The following DYNC2I1 variants were observed in gnomAD, a reference collection of about 807,000 sequenced individuals.
DYNC2I1 encodes dynein 2 intermediate chain 1, also known as cytoplasmic dynein 2 intermediate chain 1.
Under a neutral mutation model 133.4 loss-of-function variants are expected in DYNC2I1, and 89 were observed. The ratio of observed to expected loss-of-function variants is 0.67; its 90% CI spans 0.56 to 0.80. The LOEUF is 0.80. DYNC2I1 is among the 30% of genes least tolerant of loss of function. The pLI, the probability that DYNC2I1 is intolerant of heterozygous loss-of-function variation, is 0.00. For missense variants in DYNC2I1, 1,291 were observed against 1,314.5 expected, an observed-to-expected ratio of 0.98 and a Z score of 0.28; for synonymous variants, 504 against 484.3, an observed-to-expected ratio of 1.04 and a Z score of -0.54.
chr7:158,909,983 C>A (rs1847231100), intron 11 of DYNC2I1, among the ~76,000 whole-genome samples: 2 of 152,010 alleles, frequency 1.3e-5, no homozygotes, highest in Non-Finnish European at 2.9e-5. Context: ...AGAGAGCAGA[C>A]CCGGTGGCCG....
At position 158,901,106 on chromosome 7, in the gene DYNC2I1, T is replaced by TA. The variant is rs545788402; in HGVS notation, c.1060-631dup. ...ATTTTCTGCTTTCTAGTATGCTTTG[T>TA]AATATCTTCTTGATTGTGCAGTGGC... On this transcript the variant is annotated intron_variant, in intron 8 of 24. Coordinates refer to ENST00000407559, the MANE Select transcript of DYNC2I1 (RefSeq NM_018051.5). Among the ~76,000 whole-genome samples, 17 of 152,266 alleles carry TA rather than the reference T, an allele frequency of 1.1e-4. No homozygotes were observed. In the East Asian group the frequency reaches 2.9e-3, roughly 26 times the overall value.
At chr7:158,926,130 A>T in intron 17 of DYNC2I1, 57 bp from the exon 18 acceptor site, 1 of 1,346,242 alleles carries the variant, frequency 7.4e-7, no homozygotes. Context: ...TGTGATGCGA[A>T]CTGCATTTCT....
intron 23 of DYNC2I1, among the ~76,000 whole-genome samples, chr7:158,935,766 A>G (rs1175809275): frequency 1.3e-5 from 2 of 152,214 alleles, no homozygotes; most frequent in African/African-American, 4.8e-5. Context: ...GAATAAAAGA[A>G]TGTAAAATGT....
downstream of DYNC2I1, among the ~76,000 whole-genome samples, chr7:158,951,095 C>T (rs1373212226): frequency 2.0e-5 from 3 of 152,202 alleles, no homozygotes; most frequent in East Asian, 5.8e-4. Flanking sequence ...ATTTAAAATC[C>T]CCTTTCAAAT....
At chr7:158,917,724 C>T (rs1468603309) in intron 14 of DYNC2I1, among the ~76,000 whole-genome samples, 2 of 152,030 alleles carry the variant, frequency 1.3e-5, no homozygotes, top group Non-Finnish European at 2.9e-5. Flanking sequence ...CACACTCCAC[C>T]CTCTGCCTCT....
chr7:158,884,475 C>A, intron 5 of DYNC2I1, 89 bp from the exon 6 acceptor site: 3 of 1,230,618 alleles, frequency 2.4e-6, no homozygotes, highest in East Asian at 2.7e-5. Context: ...AATTTTGAAT[C>A]TGTGCTTGTT....
At chr7:158,889,945 G>A (rs1777847557) in intron 7 of DYNC2I1, among the ~76,000 whole-genome samples, 1 of 147,514 alleles carries the variant, frequency 6.8e-6, no homozygotes, top group African/African-American at 2.5e-5. Flanking sequence ...GGTGGAGGTT[G>A]CAGTGAGCCG....
intron 20 of DYNC2I1, among the ~76,000 whole-genome samples, chr7:158,929,322 G>A (rs757716487): frequency 3.9e-5 from 6 of 152,380 alleles, no homozygotes; most frequent in Middle Eastern, 3.4e-3. Context: ...AGACCTGGGC[G>A]AAGACCCCAG....
downstream of DYNC2I1, among the ~76,000 whole-genome samples, chr7:158,948,147 C>T (rs891100400): frequency 1.3e-5 from 2 of 152,160 alleles, no homozygotes; most frequent in Admixed American, 6.5e-5. Flanking sequence ...ATGGAGTAAT[C>T]GCAGCCTCTA....
intron 23 of DYNC2I1, among the ~76,000 whole-genome samples, chr7:158,935,273 G>C (rs1249139040): frequency 2.0e-5 from 3 of 152,194 alleles, no homozygotes; most frequent in African/African-American, 7.2e-5. Flanking sequence ...TCCCCTCCAG[G>C]GCCTGGTGTC....
chr7:158,922,588 A>G (rs755268341), intron 16 of DYNC2I1, 39 bp downstream of exon 16: 10 of 1,593,734 alleles, frequency 6.3e-6, no homozygotes, highest in South Asian at 2.3e-5. Context: ...TGATGGGAGG[A>G]TGGGCAGTGG....
Position 158,897,596 on chromosome 7 carries a change from A to G in DYNC2I1, c.1060-4143A>G, listed in dbSNP as rs145616722. Among the ~76,000 whole-genome samples the G allele has an allele frequency of 5.7e-3, 867 of 152,166 alleles. 7 individuals carry two copies. Among genetic ancestry groups the G allele is most frequent in the African/African-American group, 0.019 (797 of 41,522 alleles). ...GGGATCTGCAGTGATGTCCTCTTTT[A>G]CCTTTCTGACGCTAGTAATTTGGAT... On this transcript the variant is annotated intron_variant, in intron 8 of 24. Transcript: ENST00000407559.
chr7:158,862,111 C>T (rs1247453590), intron 1 of DYNC2I1, among the ~76,000 whole-genome samples: 5 of 152,130 alleles, frequency 3.3e-5, no homozygotes, highest in Non-Finnish European at 7.3e-5. Context: ...TAGTGAAGCA[C>T]ACCACTCTGG....
At chr7:158,955,192 G>T (rs1563222919) in intron 4 of DYNC2I1, among the ~76,000 whole-genome samples, 1 of 152,202 alleles carries the variant, frequency 6.6e-6, no homozygotes, top group Non-Finnish European at 1.5e-5. Context: ...AGCATCCCTG[G>T]ACTTAACACT....
chr7:158,938,279 CAG>C (rs1190279347), intron 23 of DYNC2I1, among the ~76,000 whole-genome samples: 1 of 152,232 alleles, frequency 6.6e-6, no homozygotes, highest in Non-Finnish European at 1.5e-5. Context: ...ACAGACATCT[CAG>C]TGGAAACCAT....
At chr7:158,841,226 A>G in the DYNC2I1 span, among the ~76,000 whole-genome samples, 1 of 117,618 alleles carries the variant, frequency 8.5e-6, no homozygotes, top group African/African-American at 3.4e-5. Context: ...TATATATTTT[A>G]GACAGAGTCT....
rs762388455 is a variant in DYNC2I1, at chr7:158,883,658, C to CTTTT, written c.880-886_880-883dup. On this transcript the variant is annotated intron_variant, in intron 5 of 24. Transcript: ENST00000407559. ...TTCTAAGCTTCCTGACCAGTGACTTCTTTTTTTTTTTTTTTTTTTTTTTGA... is the reference window on the plus strand; with the variant it reads ...TTCTAAGCTTCCTGACCAGTGACTTCTTTTTTTTTTTTTTTTTTTTTTTTTTTGA... Among the ~76,000 whole-genome samples, 208 of 86,146 alleles carry CTTTT rather than the reference C, an allele frequency of 2.4e-3. 1 individual carries two copies. Among genetic ancestry groups the CTTTT allele is most frequent in the Admixed American group, 4.3e-3 (29 of 6,780 alleles). 56.5% of individuals were successfully genotyped at this position (86,146 alleles called of 152,430 possible). A position where few individuals can be genotyped will look rare whatever the true frequency, so the allele number is the denominator to read the frequency against.
At chr7:158,901,578 T>G (rs1846265303) in intron 8 of DYNC2I1, among the ~76,000 whole-genome samples, 161 bp from the exon 9 acceptor site, 1 of 152,232 alleles carries the variant, frequency 6.6e-6, no homozygotes, top group Non-Finnish European at 1.5e-5. Context: ...CAAGGGTATT[T>G]CTTAAAGGAA....
chr7:158,956,953 C>G (rs1045015467), downstream of DYNC2I1, among the ~76,000 whole-genome samples: 1 of 152,144 alleles, frequency 6.6e-6, no homozygotes, highest in Non-Finnish European at 1.5e-5. Flanking sequence ...CGTGAGCTGC[C>G]GTCCACACTC....
Sources: gnomAD v4.1 joint callset for allele counts (sites outside exome capture counted in the v4.1 genomes callset) on GRCh38, gnomAD v4.1.1 for gene constraint, MANE v1.5 for transcripts, NCBI Gene and HGNC (gene_info 2026-07-23, HGNC 2026-07-21) for gene names.